INSC: variants seen among roughly 807,000 people sequenced by gnomAD.
INSC encodes protein inscuteable homolog.
INSC carries 67 observed loss-of-function variants against 58.6 expected under a neutral mutation model. That is an observed-to-expected ratio of 1.14 (90% CI 0.94 to 1.40). INSC has a LOEUF of 1.40. INSC is among the 40% of genes most tolerant of loss of function. The pLI is 0.00. For missense variants in INSC, 714 were observed against 692.0 expected (o/e 1.03, Z -0.36); for synonymous variants, 262 against 276.1 (o/e 0.95, Z 0.51).
At chr11:15,172,391 CACTT>C (rs1182111389) in intron 2 of INSC, among the ~76,000 whole-genome samples, 2 of 152,182 alleles carry the variant, frequency 1.3e-5, no homozygotes, top group African/African-American at 4.8e-5. Context: ...AAATGCCTGA[CACTT>C]GGCCACTCAA....
chr11:15,202,640 AC>A (rs747582321), intron 7 of INSC, among the ~76,000 whole-genome samples: 28 of 152,010 alleles, frequency 1.8e-4, no homozygotes, highest in African/African-American at 2.7e-4. Context: ...TTTGTTTCTC[AC>A]CTTTCCTGTC....
At chr11:15,217,830 A>T (rs1851277695) in intron 7 of INSC, among the ~76,000 whole-genome samples, 2 of 152,244 alleles carry the variant, frequency 1.3e-5, no homozygotes, top group African/African-American at 4.8e-5. Context: ...ATGCAGGTTA[A>T]AATACAATTT....
chr11:15,227,480 T>G (rs1851685020), intron 9 of INSC, among the ~76,000 whole-genome samples: 1 of 152,188 alleles, frequency 6.6e-6, no homozygotes, highest in South Asian at 2.1e-4. Context: ...AACCTGATGC[T>G]CCAAAGAAGA....
intron 2 of INSC, among the ~76,000 whole-genome samples, chr11:15,155,618 G>A (rs769864209): frequency 3.9e-5 from 6 of 152,284 alleles, no homozygotes; most frequent in East Asian, 3.9e-4. Flanking sequence ...TGCTTAGTAC[G>A]TTTTGGAGGT....
At chr11:15,134,128 G>T (rs1377834310) in intron 1 of INSC, among the ~76,000 whole-genome samples, 1 of 152,162 alleles carries the variant, frequency 6.6e-6, no homozygotes, top group Non-Finnish European at 1.5e-5. Context: ...TAGTAGTACT[G>T]ATTACTTTGG....
chr11:15,261,734 C>T, the INSC span, among the ~76,000 whole-genome samples: 1 of 152,154 alleles, frequency 6.6e-6, no homozygotes, highest in African/African-American at 2.4e-5. Flanking sequence ...AGATACAGAA[C>T]TTTGAAGAAT....
chr11:15,155,203 C>T (rs1454178837), intron 2 of INSC, among the ~76,000 whole-genome samples: 2 of 152,210 alleles, frequency 1.3e-5, no homozygotes, highest in Non-Finnish European at 2.9e-5. Flanking sequence ...ATTTTCCCAA[C>T]ACATGAGTCC....
chr11:15,177,270 TG>T, intron 4 of INSC, 107 bp downstream of exon 4: 1 of 849,860 alleles, frequency 1.2e-6, no homozygotes, highest in Non-Finnish European at 2.0e-6. Flanking sequence ...GGCGTGGTGG[TG>T]GTTTCAGAGT....
the INSC span, among the ~76,000 whole-genome samples, chr11:15,255,810 T>C: frequency 6.6e-6 from 1 of 151,802 alleles, no homozygotes; most frequent in African/African-American, 2.4e-5. Context: ...GCAGCCCAAA[T>C]ATAAACCCTT....
intron 7 of INSC, among the ~76,000 whole-genome samples, chr11:15,201,495 G>T (rs563617511): frequency 1.6e-4 from 24 of 152,310 alleles, no homozygotes; most frequent in African/African-American, 5.8e-4. Context: ...GGTTAGAGGA[G>T]GAAGGTGGTG....
chr11:15,171,615 G>A (rs555864592), intron 2 of INSC, among the ~76,000 whole-genome samples: 1 of 152,278 alleles, frequency 6.6e-6, no homozygotes, highest in Non-Finnish European at 1.5e-5. Flanking sequence ...CAACGGAAAG[G>A]GGGAGTTCTC....
At chr11:15,175,347 C>A (rs144260699) in intron 2 of INSC, among the ~76,000 whole-genome samples, 2,453 of 152,242 alleles carry the variant, frequency 0.016, 32 homozygotes, top group Non-Finnish European at 0.025. Context: ...TTAGTGTAAC[C>A]ATTATTTGAT....
intron 2 of INSC, among the ~76,000 whole-genome samples, chr11:15,175,523 T>C (rs1236980027): frequency 2.0e-5 from 3 of 152,192 alleles, no homozygotes; most frequent in African/African-American, 7.2e-5. Context: ...ACCTGTTGCT[T>C]GTTAGTCTGG....
At chr11:15,128,701 T>C (rs574438702) in intron 1 of INSC, among the ~76,000 whole-genome samples, 1 of 152,304 alleles carries the variant, frequency 6.6e-6, no homozygotes, top group East Asian at 1.9e-4. Flanking sequence ...ACCTGTACCA[T>C]GTAAGGTTGA....
Position 15,235,743 on chromosome 11 carries a change from A to T in INSC, c.1237+75A>T. On this transcript the variant is annotated intron_variant, in intron 10 of 12. Coordinates refer to ENST00000379556, the MANE Select transcript of INSC (RefSeq NM_001042536.3). Reference sequence around the variant, plus strand: ...GGACTGTGTCTTTGTGCTTGTGTGAATGCCTGTGCAGGTATGTAAATAGGT... The same window carrying T: ...GGACTGTGTCTTTGTGCTTGTGTGATTGCCTGTGCAGGTATGTAAATAGGT... 5 of 1,237,604 alleles carry T rather than the reference A, an allele frequency of 4.0e-6. No homozygotes were observed. The Admixed American group carries it at 8.4e-5, about 21-fold the overall frequency. 76.7% of individuals were successfully genotyped at this position (1,237,604 alleles called of 1,614,324 possible).
At chr11:15,210,592 A>T (rs376429152) in intron 7 of INSC, among the ~76,000 whole-genome samples, 1 of 149,210 alleles carries the variant, frequency 6.7e-6, no homozygotes, top group Non-Finnish European at 1.5e-5. Flanking sequence ...GTTGTTGTGT[A>T]TCTCCTAGCT....
chr11:15,229,345 C>T (rs1275936245), intron 9 of INSC, among the ~76,000 whole-genome samples: 1 of 152,162 alleles, frequency 6.6e-6, no homozygotes, highest in African/African-American at 2.4e-5. Flanking sequence ...ATGCCAGTCA[C>T]TAGGGGTTTC....
At chr11:15,167,964 G>A (rs1792532) in intron 2 of INSC, among the ~76,000 whole-genome samples, 18,847 of 151,990 alleles carry the variant, frequency 0.12, 1,328 homozygotes, top group Admixed American at 0.2. Context: ...CTCCTCTCCC[G>A]AGCTGTAGGC....
chr11:15,152,967 A>G (rs1590368488), intron 2 of INSC, among the ~76,000 whole-genome samples: 1 of 152,166 alleles, frequency 6.6e-6, no homozygotes, highest in Admixed American at 6.5e-5. Flanking sequence ...GCTGGGTAGT[A>G]CTCTAACCAG....
Sources: allele counts gnomAD v4.1 joint callset (sites outside exome capture counted in the v4.1 genomes callset), GRCh38; gene constraint gnomAD v4.1.1; transcripts MANE v1.5; gene names NCBI Gene and HGNC (gene_info 2026-07-23, HGNC 2026-07-21).